The following ABR variants were observed in gnomAD, a reference collection of about 807,000 sequenced individuals.
ABR encodes the protein ABR activator of RhoGEF and GTPase, also known as active breakpoint cluster region-related protein.
A neutral mutation model predicts 107.2 loss-of-function variants in ABR; 35 were observed. That is an observed-to-expected ratio of 0.33 (90% CI 0.25 to 0.43). The LOEUF is 0.43. Among genes scored for constraint, ABR ranks in the 20% least tolerant of loss-of-function variants. The pLI, the probability that ABR is intolerant of heterozygous loss-of-function variation, is 1.00. For synonymous variants in ABR, 498 were observed against 462.0 expected, an observed-to-expected ratio of 1.08 and a Z score of -1.00; for missense variants, 815 against 1,115.2, an observed-to-expected ratio of 0.73 and a Z score of 3.83.
In ABR at chr17:1,121,457, A is replaced by G. The variant is rs553773920; in HGVS notation, c.246+3726T>C. On this transcript the variant is annotated intron_variant, in intron 2 of 22. Transcript: ENST00000302538. ...TGGCCAAGGGCTGTGCACTTTGGTG[A>G]GCCAGGCCTAATGCTGCAGGCCTCC... Among the ~76,000 whole-genome samples the G allele has an allele frequency of 1.3e-4, 20 of 152,336 alleles. No individual in the cohort carries two copies. In the South Asian group the frequency reaches 3.3e-3, roughly 25 times the overall value.
At chr17:1,031,185 C>G (rs1220525481) in intron 16 of ABR, among the ~76,000 whole-genome samples, 1 of 152,128 alleles carries the variant, frequency 6.6e-6, no homozygotes, top group African/African-American at 2.4e-5. Context: ...ACACGGCAGA[C>G]GGTGCTGCGG....
upstream of ABR, among the ~76,000 whole-genome samples, chr17:1,181,732 A>G (rs921861068): frequency 6.6e-6 from 1 of 152,166 alleles, no homozygotes; most frequent in African/African-American, 2.4e-5. Context: ...GAACTCTCGG[A>G]AGACAGCCCA....
intron 1 of ABR, among the ~76,000 whole-genome samples, chr17:1,128,072 G>A (rs1443841308): frequency 6.6e-6 from 1 of 152,236 alleles, no homozygotes; most frequent in Non-Finnish European, 1.5e-5. Context: ...CTGAACGCAG[G>A]GGGCCTGAGG....
At chr17:1,083,690 G>C in intron 4 of ABR, 63 bp from the exon 5 acceptor site, 1 of 1,351,638 alleles carries the variant, frequency 7.4e-7, no homozygotes, top group Middle Eastern at 1.9e-4. Flanking sequence ...TTAATGAATG[G>C]ATGAAAGCTT....
Position 1,057,917 on chromosome 17 carries a change from G to A in ABR, c.1381+53C>T. The A allele has an allele frequency of 4.7e-6, 7 of 1,501,136 alleles. No homozygotes were observed. In the Admixed American group the frequency reaches 5.0e-5, roughly 11 times the overall value. 93.0% of individuals were successfully genotyped at this position (1,501,136 alleles called of 1,614,324 possible). On this transcript the variant is annotated intron_variant, in intron 12 of 22. Transcript: ENST00000302538. The stretch of plus-strand genomic sequence containing the variant: ...CATGAAACGCTTAGAAATACAAAAG[G>A]CCCATCAATGCCACGGACATCATTG...
chr17:1,173,626 G>A (rs74932208), intron 1 of ABR, among the ~76,000 whole-genome samples: 1,689 of 152,206 alleles, frequency 0.011, 15 homozygotes, highest in Non-Finnish European at 0.02. Context: ...ACGCATGGAC[G>A]GGCCAGCTGA....
chr17:1,115,088 G>A, intron 2 of ABR, among the ~76,000 whole-genome samples: 1 of 152,200 alleles, frequency 6.6e-6, no homozygotes, highest in East Asian at 1.9e-4. Context: ...CTGTGCAAAG[G>A]GAAGGGGGGC....
Position 1,179,895 on chromosome 17 carries a change from C to G in ABR, c.-168G>C. ...GGGGCGGCCGGGGCAGGGGCGAGGG[C>G]GGGGCGGGAGCCCCCAAAACCCTCC... On this transcript the variant is annotated 5_prime_UTR_variant, in exon 1 of 23. Transcript: ENST00000302538. The surrounding 1 kb of genome is among the most constrained non-coding windows in gnomAD (Gnocchi z 4.9). 1 of 352,870 alleles carries G rather than the reference C, an allele frequency of 2.8e-6. No homozygotes were observed. Among genetic ancestry groups the G allele is most frequent in the Non-Finnish European group, 4.6e-6 (1 of 215,658 alleles). 21.9% of individuals were successfully genotyped at this position (352,870 alleles called of 1,614,324 possible).
chr17:1,198,388 G>T (rs1275026371), intron 1 of ABR, among the ~76,000 whole-genome samples: 1 of 151,540 alleles, frequency 6.6e-6, no homozygotes, highest in Non-Finnish European at 1.5e-5. Context: ...GGAGAGCTTG[G>T]CCTGAGACAC....
At chr17:1,153,189 C>G (rs2040869973) in intron 1 of ABR, among the ~76,000 whole-genome samples, 1 of 152,360 alleles carries the variant, frequency 6.6e-6, no homozygotes, top group South Asian at 2.1e-4. Context: ...ATCAGGTGCA[C>G]TTGGTCAAAT....
At chr17:1,089,861 G>A (rs2036902066) in intron 4 of ABR, among the ~76,000 whole-genome samples, 1 of 152,228 alleles carries the variant, frequency 6.6e-6, no homozygotes, top group Non-Finnish European at 1.5e-5. Flanking sequence ...TCGGGATGCT[G>A]AGGCAGGAGA....
chr17:1,050,121 A>T lies in ABR; in HGVS notation c.1720T>A (p.Tyr574Asn). 1 of 1,614,088 alleles carries T rather than the reference A, an allele frequency of 6.2e-7. No individual in the cohort carries two copies. Among genetic ancestry groups the T allele is most frequent in the Non-Finnish European group, 8.5e-7 (1 of 1,180,014 alleles). Residue 574 changes from tyrosine to asparagine, a missense_variant, in exon 16 of 23, where the codon TAT (tyrosine) becomes AAT (asparagine). This residue lies in a region of ABR where 92 missense variants were observed against 82.3 expected (regional missense o/e 1.12). Transcript: ENST00000302538. This position sits in a 1 kb window ranked among gnomAD's most constrained non-coding sequence, Gnocchi z 4.6. ...SLRILCYEKC[Y>N]DKTKVNKDNN... Reference sequence around the variant, plus strand: ...TCCTTGTTGACCTTGGTCTTGTCATAGCACTTCTCATAGCACAGGATCCTC... The same window carrying T: ...TCCTTGTTGACCTTGGTCTTGTCATTGCACTTCTCATAGCACAGGATCCTC...
chr17:1,193,275 C>CCA (rs1555618282), intron 1 of ABR, among the ~76,000 whole-genome samples: 1 of 150,954 alleles, frequency 6.6e-6, no homozygotes, highest in Admixed American at 6.6e-5. Context: ...ACACCCCCTC[C>CCA]CCCTCAATAC....
rs779565243 is a variant in ABR at position 1,108,901 on chromosome 17, C to T, written c.247-8166G>A. ...CACCTTCGGCAGCGCCGGCCCGGCCCCCCCCAGCGCCCAGGGCGTGTCACG... is the reference window on the plus strand; with the variant it reads ...CACCTTCGGCAGCGCCGGCCCGGCCTCCCCCAGCGCCCAGGGCGTGTCACG... On this transcript the variant is annotated intron_variant, in intron 2 of 22. Transcript: ENST00000302538. 5 of 1,557,010 alleles carry T rather than the reference C, an allele frequency of 3.2e-6. No individual in the cohort carries two copies. The South Asian group carries it at 5.9e-5, about 18-fold the overall frequency.
At chr17:1,062,686 C>G (rs866049106) in intron 10 of ABR, among the ~76,000 whole-genome samples, 1 of 145,462 alleles carries the variant, frequency 6.9e-6, no homozygotes, top group African/African-American at 2.5e-5. Flanking sequence ...GAGGGCTATA[C>G]ATGTTCCTCT....
intron 2 of ABR, among the ~76,000 whole-genome samples, chr17:1,107,205 C>T (rs765228135): frequency 1.3e-5 from 2 of 152,338 alleles, no homozygotes; most frequent in South Asian, 2.1e-4. Flanking sequence ...GGAGGAGCAG[C>T]GTTTTCAGGT....
At chr17:1,031,694 G>A (rs1011939933) in intron 16 of ABR, 20 of 1,251,864 alleles carry the variant, frequency 1.6e-5, no homozygotes, top group Admixed American at 4.2e-5. Flanking sequence ...CCAGGGGTTC[G>A]CGCCCCGCCT....
chr17:1,161,625 G>C (rs983996639), intron 1 of ABR, among the ~76,000 whole-genome samples: 1 of 150,460 alleles, frequency 6.6e-6, no homozygotes, highest in African/African-American at 2.5e-5. Flanking sequence ...CATGATCTTG[G>C]CTCATTGCAA....
At chr17:1,140,382 G>A (rs1351782002) in intron 1 of ABR, among the ~76,000 whole-genome samples, 2 of 152,132 alleles carry the variant, frequency 1.3e-5, no homozygotes, top group Non-Finnish European at 2.9e-5. Flanking sequence ...AGCAGAGTCT[G>A]GACCACAGGT....
Sources: allele counts gnomAD v4.1 joint callset (sites outside exome capture counted in the v4.1 genomes callset), GRCh38; gene constraint gnomAD v4.1.1; regional missense constraint gnomAD v4.1.1; non-coding constraint Gnocchi (gnomAD v3.1); transcripts MANE v1.5; gene names NCBI Gene and HGNC (gene_info 2026-07-23, HGNC 2026-07-21).